The following ZNF112 variants were observed in gnomAD, a reference collection of about 807,000 sequenced individuals.
ZNF112 encodes zinc finger protein 112 (Y14).
A neutral mutation model predicts 77.7 loss-of-function variants in ZNF112; 37 were observed. The observed-to-expected ratio is 0.48, with a 90% CI of 0.37 to 0.63. The LOEUF is 0.63. ZNF112 is among the 20% of genes least tolerant of loss of function. The pLI, the probability that ZNF112 is intolerant of heterozygous loss-of-function variation, is 0.00. For synonymous variants in ZNF112, 333 were observed against 363.6 expected (o/e 0.92, Z 0.96); for missense variants, 950 against 1,077.4 (o/e 0.88, Z 1.66).
chr19:44,367,092 C>A (rs1450214304), exon 1 of ZNF112: 3 of 455,988 alleles, frequency 6.6e-6, no homozygotes, highest in Non-Finnish European at 1.3e-5. Context: ...TGGGGCCCAA[C>A]CCCATCTTCC....
chr19:44,346,331 T>G (rs1330230563), intron 1 of ZNF112, among the ~76,000 whole-genome samples: 1 of 152,240 alleles, frequency 6.6e-6, no homozygotes, highest in Non-Finnish European at 1.5e-5. Context: ...TTATGTTATG[T>G]GAGTTCAATG....
chr19:44,364,366 A>G (rs1261286312), intron 1 of ZNF112, among the ~76,000 whole-genome samples: 1 of 152,138 alleles, frequency 6.6e-6, no homozygotes, highest in East Asian at 1.9e-4. Flanking sequence ...AACTGTTCAA[A>G]TTTTGCCCAT....
At chr19:44,362,816 G>A (rs114503939) in intron 1 of ZNF112, among the ~76,000 whole-genome samples, 1,666 of 152,054 alleles carry the variant, frequency 0.011, 27 homozygotes, top group African/African-American at 0.034. Context: ...CTCCCCTGCC[G>A]CATCAGTAAC....
chr19:44,364,312 T>C (rs1970882408), intron 1 of ZNF112, among the ~76,000 whole-genome samples: 1 of 152,210 alleles, frequency 6.6e-6, no homozygotes. Flanking sequence ...GTCACACTTC[T>C]CCATGGGCTA....
At chr19:44,353,226 C>A (rs891360633) in intron 1 of ZNF112, among the ~76,000 whole-genome samples, 1 of 151,794 alleles carries the variant, frequency 6.6e-6, no homozygotes, top group African/African-American at 2.4e-5. Flanking sequence ...GAAATAAAAC[C>A]CAACTTAACC....
intron 1 of ZNF112, among the ~76,000 whole-genome samples, chr19:44,347,049 G>A (rs1292070065): frequency 7.9e-5 from 12 of 151,942 alleles, no homozygotes; most frequent in Non-Finnish European, 5.9e-5. Context: ...TAGAACTGTG[G>A]GTTTCTCTAT....
chr19:44,347,781 GAGTAGAAAACC>G (rs1970623317), intron 1 of ZNF112, among the ~76,000 whole-genome samples: 1 of 151,944 alleles, frequency 6.6e-6, no homozygotes, highest in Non-Finnish European at 1.5e-5. Flanking sequence ...ATATTTTAAA[GAGTAGAAAACC>G]AGTATTTTAT....
At chr19:44,346,307 G>A (rs1003574638) in intron 1 of ZNF112, among the ~76,000 whole-genome samples, 4 of 152,270 alleles carry the variant, frequency 2.6e-5, no homozygotes, top group African/African-American at 9.6e-5. Context: ...GGAGATAAAC[G>A]TTGGGTTGTT....
At chr19:44,362,188 C>A (rs1004682230) in intron 1 of ZNF112, among the ~76,000 whole-genome samples, 27 of 151,458 alleles carry the variant, frequency 1.8e-4, no homozygotes, top group African/African-American at 6.6e-4. Flanking sequence ...TCCACATGGG[C>A]AAAATCTCAT....
At chr19:44,345,489 T>G (rs1388722627) in intron 1 of ZNF112, among the ~76,000 whole-genome samples, 1 of 152,200 alleles carries the variant, frequency 6.6e-6, no homozygotes, top group East Asian at 1.9e-4. Flanking sequence ...TTTAGACCTC[T>G]CTGATCACCT....
At chr19:44,350,025 G>T (rs1970664017) in intron 1 of ZNF112, among the ~76,000 whole-genome samples, 1 of 152,060 alleles carries the variant, frequency 6.6e-6, no homozygotes, top group Non-Finnish European at 1.5e-5. Context: ...ACAACCACAG[G>T]TGAAAATATT....
In ZNF112 at chr19:44,328,243, C is replaced by A; in HGVS notation, c.1914G>T (p.Lys638Asn). 1 of 1,614,100 alleles carries A rather than the reference C, an allele frequency of 6.2e-7. No homozygotes were observed. Among genetic ancestry groups the A allele is most frequent in the Non-Finnish European group, 8.5e-7 (1 of 1,179,998 alleles). ...GAAGATTAAAGCTCCAACTGAACCC[C>A]TTCCCACATTCCTCACATTTGAATG... Reference protein sequence around the residue: ...EKPFKCEECGKGFSWSFNLQI... With the variant: ...EKPFKCEECGNGFSWSFNLQI... Residue 638 changes from lysine to asparagine, a missense_variant, in exon 4 of 4, where the codon AAG (lysine) becomes AAT (asparagine). Coordinates refer to ENST00000354340, the MANE Select transcript of ZNF112 (RefSeq NM_013380.4).
At chr19:44,365,790 G>T (rs1970898373) in intron 1 of ZNF112, among the ~76,000 whole-genome samples, 1 of 152,040 alleles carries the variant, frequency 6.6e-6, no homozygotes, top group Admixed American at 6.6e-5. Flanking sequence ...AAAGAATAAG[G>T]TTATGATTTT....
chr19:44,360,310 C>T (rs559973812), upstream of ZNF112, among the ~76,000 whole-genome samples: 215 of 151,372 alleles, frequency 1.4e-3, no homozygotes, highest in Middle Eastern at 3.4e-3. Context: ...AGGTCTATCT[C>T]GTCATAAATA....
At chr19:44,350,976 A>T (rs1176467541) in intron 1 of ZNF112, among the ~76,000 whole-genome samples, 4 of 152,088 alleles carry the variant, frequency 2.6e-5, no homozygotes, top group African/African-American at 9.6e-5. Flanking sequence ...AATGCAATTT[A>T]TTCTTTATTA....
upstream of ZNF112, among the ~76,000 whole-genome samples, chr19:44,358,823 T>C (rs1327289407): frequency 2.0e-5 from 3 of 152,164 alleles, no homozygotes; most frequent in African/African-American, 7.2e-5. Context: ...CTCTGCTTTA[T>C]GGGGCTGGAA....
intron 2 of ZNF112, among the ~76,000 whole-genome samples, chr19:44,339,405 C>A (rs1238628891): frequency 6.6e-6 from 1 of 152,194 alleles, no homozygotes; most frequent in African/African-American, 2.4e-5. Flanking sequence ...TCTGGAGAAA[C>A]TGGAATCTAA....
At position 44,328,324 on chromosome 19, in the gene ZNF112, G is replaced by A. The variant is rs773824982; in HGVS notation, c.1833C>T (p.Gly611=). 70 of 1,608,468 alleles carry A rather than the reference G, an allele frequency of 4.4e-5. No individual in the cohort carries two copies. Among genetic ancestry groups the A allele is most frequent in the Non-Finnish European group, 5.9e-5 (70 of 1,178,240 alleles). The change falls in exon 4 of 4, where the codon GGC becomes GGT. Residue 611 remains glycine (G), a synonymous_variant. Transcript: ENST00000354340. Reference sequence around the variant, plus strand: ...CTTGAAGGTGTGAACTCCGACTGAAGCCCTTCCCACACTCCTCACACTTGT... The same window carrying A: ...CTTGAAGGTGTGAACTCCGACTGAAACCCTTCCCACACTCCTCACACTTGT... ...KPYKCEECGK[G]FSRSSHLQGH... is the part of the protein sequence containing the mutation.
chr19:44,351,622 T>C (rs912464764), intron 1 of ZNF112, among the ~76,000 whole-genome samples: 14 of 152,090 alleles, frequency 9.2e-5, no homozygotes, highest in Non-Finnish European at 1.3e-4. Context: ...CCTCTCATTA[T>C]ATAAATACCT....
Sources: allele counts gnomAD v4.1 joint callset (sites outside exome capture counted in the v4.1 genomes callset), GRCh38; gene constraint gnomAD v4.1.1; transcripts MANE v1.5; gene names NCBI Gene and HGNC (gene_info 2026-07-23, HGNC 2026-07-21).